C2orf42: variants seen among roughly 807,000 people sequenced by gnomAD.
C2orf42 encodes the protein uncharacterized protein C2orf42.
C2orf42 carries 44 observed loss-of-function variants against 58.9 expected under a neutral mutation model. The observed-to-expected ratio is 0.75, with a 90% CI of 0.59 to 0.96. The LOEUF (loss-of-function observed/expected upper bound fraction) is 0.96, where lower values mean the gene tolerates loss of function less well. Ranked by LOEUF, C2orf42 falls within the 40% of genes least tolerant of loss-of-function variation. The pLI is 0.00. For missense variants in C2orf42, 630 were observed against 699.2 expected (o/e 0.90, Z 1.12); for synonymous variants, 239 against 265.4 (o/e 0.90, Z 0.97).
intron 9 of C2orf42, among the ~76,000 whole-genome samples, chr2:70,158,335 G>A (rs1225307366): frequency 1.3e-5 from 2 of 152,040 alleles, no homozygotes; most frequent in African/African-American, 4.8e-5. Flanking sequence ...ACTGAGGACA[G>A]GGAGAAACTA....
intron 1 of C2orf42, 35 bp downstream of exon 1, chr2:70,190,938 G>A (rs1040214573): frequency 6.6e-6 from 1 of 152,522 alleles, no homozygotes; most frequent in Non-Finnish European, 1.5e-5. Flanking sequence ...CACCCCCCGC[G>A]AGCCCCGGGG....
At chr2:70,158,900 C>CTTTTT (rs34839050) in intron 9 of C2orf42, among the ~76,000 whole-genome samples, 1 of 106,288 alleles carries the variant, frequency 9.4e-6, no homozygotes. Context: ...CCGAGTATTC[C>CTTTTT]TTTTTTTTTT....
At position 70,181,992 on chromosome 2, in the gene C2orf42, G is replaced by C; in HGVS notation, c.-7C>G. The C allele has an allele frequency of 6.5e-7, 1 of 1,533,792 alleles. No individual in the cohort carries two copies. Among genetic ancestry groups the C allele is most frequent in the Non-Finnish European group, 9.0e-7 (1 of 1,111,028 alleles). ...TCAGAGAATTTGGTTCCATTTTTCAGAGGCCCTACAAAAGACAATACATCC... is the reference window on the plus strand; with the variant it reads ...TCAGAGAATTTGGTTCCATTTTTCACAGGCCCTACAAAAGACAATACATCC... On this transcript the variant is annotated 5_prime_UTR_variant, in exon 3 of 10. Transcript: ENST00000264434.
intron 6 of C2orf42, among the ~76,000 whole-genome samples, chr2:70,169,265 A>G (rs1673631222): frequency 6.6e-6 from 1 of 151,868 alleles, no homozygotes; most frequent in East Asian, 1.9e-4. Context: ...ACACACACAC[A>G]CACACACACA....
chr2:70,153,672 A>C lies in C2orf42; in HGVS notation c.1517-3108T>G, dbSNP rs184387716. On this transcript the variant is annotated intron_variant, in intron 9 of 9. Transcript: ENST00000264434. ...GTAATAAGTAAAGAAAAGAACAGGA[A>C]ATTAAAAAAAAAAAAAACTACATAA... Among the ~76,000 whole-genome samples the C allele has an allele frequency of 1.6e-3, 191 of 118,704 alleles. 8 individuals carry two copies. The East Asian group carries it at 0.039, about 24-fold the overall frequency. 77.9% of individuals were successfully genotyped at this position (118,704 alleles called of 152,430 possible).
chr2:70,185,923 T>C (rs1674903759), intron 1 of C2orf42, among the ~76,000 whole-genome samples: 1 of 150,948 alleles, frequency 6.6e-6, no homozygotes, highest in Non-Finnish European at 1.5e-5. Flanking sequence ...ATCCTATGCA[T>C]TGCAGAATGT....
intron 9 of C2orf42, among the ~76,000 whole-genome samples, chr2:70,154,455 G>C (rs1263618118): frequency 1.5e-5 from 2 of 136,408 alleles, no homozygotes; most frequent in Admixed American, 7.5e-5. Flanking sequence ...ATCTGACATG[G>C]TTCTAAAATA....
chr2:70,161,772 G>A (rs1050516272), intron 8 of C2orf42, among the ~76,000 whole-genome samples: 2 of 151,288 alleles, frequency 1.3e-5, no homozygotes, highest in Non-Finnish European at 1.5e-5. Context: ...CCTGGGAGGT[G>A]GAGGTTGAGG....
chr2:70,158,930 T>A (rs1215370669), intron 9 of C2orf42, among the ~76,000 whole-genome samples: 1 of 108,370 alleles, frequency 9.2e-6, no homozygotes, highest in Non-Finnish European at 1.8e-5. Context: ...TGAGACGGAG[T>A]CTTGCTCTGT....
chr2:70,181,648 C>T lies in C2orf42; in HGVS notation c.338G>A (p.Gly113Glu), dbSNP rs757905066. ...DGTIITQLSS[G>E]RCYVPSCLKA... is the part of the protein sequence containing the mutation. ...CAGGCATGAGGGGACATAACACCGT[C>T]CAGAGCTCAGCTGAGTGATGATCGT... Residue 113 changes from glycine (G) to glutamate (E), a missense_variant, in exon 3 of 10, where the codon GGA becomes GAA. Transcript: ENST00000264434. 2.5e-6 allele frequency: 4 copies of T among 1,614,002 alleles called. No homozygotes were observed. In the South Asian group the frequency reaches 4.4e-5, roughly 18 times the overall value.
intron 8 of C2orf42, among the ~76,000 whole-genome samples, chr2:70,163,081 T>G (rs1673163672): frequency 6.6e-6 from 1 of 151,904 alleles, no homozygotes; most frequent in Non-Finnish European, 1.5e-5. Flanking sequence ...TTGGCCAGGC[T>G]GGTCTCAAAC....
intron 9 of C2orf42, among the ~76,000 whole-genome samples, chr2:70,157,535 G>T (rs929443701): frequency 2.5e-4 from 38 of 152,178 alleles, no homozygotes; most frequent in African/African-American, 8.4e-4. Flanking sequence ...GGTGGCTCAC[G>T]CCTGTAATCC....
chr2:70,155,481 G>A (rs1294756717), intron 9 of C2orf42, among the ~76,000 whole-genome samples: 1 of 151,818 alleles, frequency 6.6e-6, no homozygotes, highest in Non-Finnish European at 1.5e-5. Flanking sequence ...TTTAAACATA[G>A]AAGGTTAAAG....
intron 9 of C2orf42, among the ~76,000 whole-genome samples, chr2:70,151,646 C>CA (rs1335735832): frequency 6.6e-6 from 1 of 150,782 alleles, no homozygotes; most frequent in South Asian, 2.1e-4. Context: ...AAAACACCCC[C>CA]AAAAAATAAA....
Position 70,160,659 on chromosome 2 carries a change from C to T in C2orf42, c.1482G>A (p.Leu494=), listed in dbSNP as rs1209092640. 2 of 1,609,502 alleles carry T rather than the reference C, an allele frequency of 1.2e-6. No individual in the cohort carries two copies. The highest frequency in any genetic ancestry group is 1.7e-6 in the Non-Finnish European group (2 of 1,178,854). ...TYGRIEKQPV[L]RPLELKTFLK... Reference sequence around the variant, plus strand: ...GAAAAGTTTTTAGTTCCAAGGGTCGCAGCACTGGTTGTTTTTCTATACGAC... The same window carrying T: ...GAAAAGTTTTTAGTTCCAAGGGTCGTAGCACTGGTTGTTTTTCTATACGAC... Residue 494 remains leucine (L), a synonymous_variant, in exon 9 of 10, where the codon CTG becomes CTA. Coordinates refer to ENST00000264434, the MANE Select transcript of C2orf42 (RefSeq NM_017880.3).
At chr2:70,152,660 C>G (rs576528727) in intron 9 of C2orf42, among the ~76,000 whole-genome samples, 1 of 152,306 alleles carries the variant, frequency 6.6e-6, no homozygotes, top group Admixed American at 6.5e-5. Context: ...TTTAGAACAT[C>G]TCACACACAC....
chr2:70,159,515 G>A (rs1268140273), intron 9 of C2orf42, among the ~76,000 whole-genome samples: 1 of 151,062 alleles, frequency 6.6e-6, no homozygotes, highest in African/African-American at 2.4e-5. Context: ...TTGAATCCGG[G>A]AGGCAGAGGT....
intron 5 of C2orf42, among the ~76,000 whole-genome samples, chr2:70,173,454 T>C (rs1228842935): frequency 2.6e-5 from 4 of 151,818 alleles, no homozygotes; most frequent in Non-Finnish European, 5.9e-5. Flanking sequence ...TTTTATACTT[T>C]TTAGTAGAGA....
chr2:70,189,346 C>T (rs1288763010), intron 1 of C2orf42, among the ~76,000 whole-genome samples: 2 of 121,918 alleles, frequency 1.6e-5, no homozygotes, highest in African/African-American at 3.1e-5. Flanking sequence ...CCAGAGGTTG[C>T]GGTGAGCCAA....
Sources: gnomAD v4.1 joint callset for allele counts (sites outside exome capture counted in the v4.1 genomes callset) on GRCh38, gnomAD v4.1.1 for gene constraint, MANE v1.5 for transcripts, NCBI Gene and HGNC (gene_info 2026-07-23, HGNC 2026-07-21) for gene names.